GOLM2: variants seen among roughly 807,000 people sequenced by gnomAD.
GOLM2 encodes protein GOLM2.
Under a neutral mutation model 55.9 loss-of-function variants are expected in GOLM2, and 26 were observed. The observed-to-expected ratio is 0.47, with a 90% CI of 0.34 to 0.65. The LOEUF (loss-of-function observed/expected upper bound fraction) is 0.65. Among genes scored for constraint, GOLM2 ranks in the 30% least tolerant of loss-of-function variants. The pLI is 0.01. For synonymous variants in GOLM2, 165 were observed against 194.6 expected (o/e 0.85, Z 1.27); for missense variants, 486 against 531.8 (o/e 0.91, Z 0.85).
chr15:44,341,028 TTAAA>T (rs1387699196), intron 6 of GOLM2, among the ~76,000 whole-genome samples: 3 of 152,106 alleles, frequency 2.0e-5, no homozygotes, highest in African/African-American at 7.2e-5. Context: ...TTATTTGTGT[TTAAA>T]TATATATAAT....
intron 2 of GOLM2, among the ~76,000 whole-genome samples, chr15:44,324,328 T>A (rs1167885293): frequency 6.6e-6 from 1 of 152,166 alleles, no homozygotes; most frequent in East Asian, 1.9e-4. Context: ...TTGGAGTAGA[T>A]CTTGAGATAT....
intron 6 of GOLM2, among the ~76,000 whole-genome samples, chr15:44,367,739 G>C (rs920713460): frequency 6.6e-6 from 1 of 150,674 alleles, no homozygotes; most frequent in Non-Finnish European, 1.5e-5. Context: ...AGGTTGCAGT[G>C]AGCCGAGACC....
At chr15:44,327,204 A>T (rs1032657690) in intron 2 of GOLM2, among the ~76,000 whole-genome samples, 4 of 147,150 alleles carry the variant, frequency 2.7e-5, no homozygotes, top group Admixed American at 1.4e-4. Flanking sequence ...ACCCGCCTCC[A>T]CCTCCCAAAG....
At chr15:44,352,700 G>A (rs769020167) in intron 6 of GOLM2, among the ~76,000 whole-genome samples, 1 of 152,086 alleles carries the variant, frequency 6.6e-6, no homozygotes, top group African/African-American at 2.4e-5. Flanking sequence ...GAGGTCAGAA[G>A]TTCGAGACCA....
rs551891942 is a variant in GOLM2, at chr15:44,367,514, G to A, written c.803-12176G>A. ...TTAGCATGTTAAAAGATGCAGTTCC[G>A]GCGGGGCGCAGTGGCTCATGCCTGT... is the stretch of plus-strand genomic sequence containing the variant. On this transcript the variant is annotated intron_variant, in intron 6 of 9. Transcript: ENST00000299957. Among the ~76,000 whole-genome samples the A allele has an allele frequency of 5.3e-5, 8 of 152,056 alleles. No homozygotes were observed. The East Asian group carries it at 7.7e-4, about 15-fold the overall frequency.
intron 6 of GOLM2, among the ~76,000 whole-genome samples, chr15:44,370,604 C>T (rs1469872827): frequency 2.0e-5 from 3 of 152,160 alleles, no homozygotes; most frequent in Non-Finnish European, 2.9e-5. Flanking sequence ...CTTGTAGCAA[C>T]TCATCTGAAT....
chr15:44,351,590 A>C (rs1342034501), intron 6 of GOLM2, among the ~76,000 whole-genome samples: 1 of 149,892 alleles, frequency 6.7e-6, no homozygotes. Context: ...AAAAAAAAAA[A>C]AAAAAAAACA....
chr15:44,410,385 C>T (rs557622052), intron 9 of GOLM2, among the ~76,000 whole-genome samples: 3 of 152,152 alleles, frequency 2.0e-5, no homozygotes, highest in South Asian at 4.1e-4. Flanking sequence ...GAGCTGAGAT[C>T]GCGCCACTGC....
At chr15:44,332,634 A>G (rs1021660340) in intron 4 of GOLM2, among the ~76,000 whole-genome samples, 1 of 152,278 alleles carries the variant, frequency 6.6e-6, no homozygotes, top group African/African-American at 2.4e-5. Flanking sequence ...TGTTGTTAAT[A>G]TATTTCTCAG....
chr15:44,314,981 A>C lies in GOLM2; in HGVS notation c.328-7984A>C, dbSNP rs141817720. Among the ~76,000 whole-genome samples, 206 of 152,342 alleles carry C rather than the reference A, an allele frequency of 1.4e-3. 1 individual carries two copies. The highest frequency in any genetic ancestry group is 4.7e-3 in the African/African-American group (197 of 41,576). On this transcript the variant is annotated intron_variant, in intron 1 of 9. Transcript: ENST00000299957. ...ATACCCGCTTGTTATTATTAATGCT[A>C]TTCCATTTTGATCCAGCTGGTATAG...
At chr15:44,298,891 A>G (rs2078777099) in intron 1 of GOLM2, among the ~76,000 whole-genome samples, 1 of 152,232 alleles carries the variant, frequency 6.6e-6, no homozygotes, top group Non-Finnish European at 1.5e-5. Context: ...ATACTGGATT[A>G]GGGTGGCCCC....
chr15:44,394,882 G>C (rs1376551852), intron 8 of GOLM2, among the ~76,000 whole-genome samples: 3 of 152,136 alleles, frequency 2.0e-5, no homozygotes, highest in African/African-American at 4.8e-5. Flanking sequence ...ATAGATGAAG[G>C]CTAGAAAAAA....
chr15:44,318,356 T>C (rs1314197815), intron 1 of GOLM2, among the ~76,000 whole-genome samples: 1 of 152,240 alleles, frequency 6.6e-6, no homozygotes, highest in Non-Finnish European at 1.5e-5. Flanking sequence ...GTCTCCCTCC[T>C]TCTCATCTTG....
At chr15:44,322,055 G>GA (rs1420434940) in intron 1 of GOLM2, among the ~76,000 whole-genome samples, 14 of 147,918 alleles carry the variant, frequency 9.5e-5, no homozygotes, top group South Asian at 2.1e-4. Flanking sequence ...GCAAGACTCT[G>GA]AAAAAAAAAA....
chr15:44,302,976 G>A (rs1326675603), intron 1 of GOLM2, among the ~76,000 whole-genome samples: 5 of 152,032 alleles, frequency 3.3e-5, no homozygotes, highest in African/African-American at 4.8e-5. Context: ...AGTGGCGGAC[G>A]CCTGTAGTCC....
chr15:44,394,009 A>G (rs2141205768), intron 8 of GOLM2, among the ~76,000 whole-genome samples: 1 of 152,226 alleles, frequency 6.6e-6, no homozygotes, highest in East Asian at 1.9e-4. Context: ...GCTATTTTAT[A>G]CAAGGGACTT....
chr15:44,314,108 G>A (rs2078892570), intron 1 of GOLM2, among the ~76,000 whole-genome samples: 1 of 151,560 alleles, frequency 6.6e-6, no homozygotes, highest in Admixed American at 6.6e-5. Context: ...GTTGTGGCGG[G>A]CGCCTGTAGT....
intron 4 of GOLM2, 124 bp from the exon 5 acceptor site, chr15:44,337,639 T>A: frequency 6.2e-6 from 4 of 640,854 alleles, no homozygotes; most frequent in Middle Eastern, 3.9e-4. Flanking sequence ...CTCCAATTGT[T>A]CATTATTTGA....
intron 9 of GOLM2, among the ~76,000 whole-genome samples, chr15:44,404,744 C>A (rs769879971): frequency 1.3e-5 from 2 of 151,926 alleles, no homozygotes; most frequent in Non-Finnish European, 1.5e-5. Flanking sequence ...TACCTTTATA[C>A]CCACCCCCCA....
Sources: gnomAD v4.1 joint callset for allele counts (sites outside exome capture counted in the v4.1 genomes callset) on GRCh38, gnomAD v4.1.1 for gene constraint, MANE v1.5 for transcripts, NCBI Gene and HGNC (gene_info 2026-07-23, HGNC 2026-07-21) for gene names.